The following CDH1 variants were observed in gnomAD, a reference collection of about 807,000 sequenced individuals.
CDH1 encodes the protein cadherin 1, also known as cadherin-1.
CDH1 carries 35 observed loss-of-function variants against 84.5 expected under a neutral mutation model. The observed-to-expected ratio is 0.41, with a 90% confidence interval of 0.32 to 0.55. The LOEUF (loss-of-function observed/expected upper bound fraction) is 0.55, where lower values mean the gene tolerates loss of function less well. Among genes scored for constraint, CDH1 ranks in the 20% least tolerant of loss-of-function variants. The probability of loss-of-function intolerance (pLI) is 0.19; values close to 1 mark genes in which losing one functional copy is unlikely to be tolerated. For missense variants in CDH1, 994 were observed against 1,126.6 expected, an observed-to-expected ratio of 0.88 and a Z score of 1.68; for synonymous variants, 417 against 439.0, an observed-to-expected ratio of 0.95 and a Z score of 0.63.
intron 15 of CDH1, 99 bp downstream of exon 15, chr16:68,829,896 A>G (rs1596973029): frequency 1.6e-6 from 2 of 1,285,680 alleles, no homozygotes; most frequent in Non-Finnish European, 2.2e-6. Context: ...TCTTTCCTTT[A>G]CTATGTTTTC....
intron 14 of CDH1, among the ~76,000 whole-genome samples, chr16:68,829,189 G>C (rs534563904): frequency 6.6e-6 from 1 of 152,306 alleles, no homozygotes; most frequent in South Asian, 2.1e-4. Flanking sequence ...GCTCTAACCT[G>C]TGAATTGTGT....
intron 5 of CDH1, among the ~76,000 whole-genome samples, chr16:68,809,877 A>C (rs1181330926): frequency 6.6e-6 from 1 of 152,160 alleles, no homozygotes. Flanking sequence ...TGCTAGACTA[A>C]AAGGACCAGA....
In CDH1 at chr16:68,823,636, G is replaced by C. The variant is rs753911528; in HGVS notation, c.2164+10G>C. The stretch of plus-strand genomic sequence containing the variant: ...ATTCTTGCTTTGCTAAGTAAGTCCA[G>C]CTGGCAAGTGACTCAGCCTTTGACT... On this transcript the variant is annotated intron_variant, in intron 13 of 15. Transcript: ENST00000261769. The C allele has an allele frequency of 6.4e-7, 1 of 1,570,728 alleles. No individual in the cohort carries two copies. The highest frequency in any genetic ancestry group is 1.7e-5 in the Admixed American group (1 of 59,792).
At chr16:68,784,460 C>T (rs1023840512) in intron 2 of CDH1, among the ~76,000 whole-genome samples, 4 of 152,138 alleles carry the variant, frequency 2.6e-5, no homozygotes, top group African/African-American at 9.7e-5. Context: ...CCTTCCCTCT[C>T]CCATCATGTG....
chr16:68,738,533 C>T, intron 2 of CDH1, 122 bp downstream of exon 2: 1 of 631,356 alleles, frequency 1.6e-6, no homozygotes, highest in South Asian at 2.0e-5. Flanking sequence ...CAAACGACAC[C>T]CCTTGGAATT....
chr16:68,737,924 A>G lies in CDH1; in HGVS notation c.49-373A>G, dbSNP rs537290285. ...AAATAGGAGTGAGGGTCCCGGGGAT[A>G]AGAAAGTGAGGTCGGAGGAGGTGGG... On this transcript the variant is annotated intron_variant, in intron 1 of 15. Coordinates refer to ENST00000261769, the MANE Select transcript of CDH1 (RefSeq NM_004360.5). Among the ~76,000 whole-genome samples, 5 of 152,288 alleles carry G rather than the reference A, an allele frequency of 3.3e-5. No individual in the cohort carries two copies. In the South Asian group the frequency reaches 1.0e-3, roughly 32 times the overall value.
intron 10 of CDH1, 145 bp downstream of exon 10, chr16:68,815,904 CTG>C: frequency 9.8e-7 from 1 of 1,022,184 alleles, no homozygotes; most frequent in Non-Finnish European, 1.4e-6. Context: ...TTCCCTTTAT[CTG>C]TGCTCCTTTC....
intron 2 of CDH1, among the ~76,000 whole-genome samples, chr16:68,750,504 G>A (rs1962860961): frequency 6.6e-6 from 1 of 152,054 alleles, no homozygotes; most frequent in Admixed American, 6.6e-5. Context: ...ACATGAGCAA[G>A]ATCATAAACG....
chr16:68,816,973 A>C (rs191015374), intron 10 of CDH1, among the ~76,000 whole-genome samples: 1 of 152,330 alleles, frequency 6.6e-6, no homozygotes, highest in Non-Finnish European at 1.5e-5. Flanking sequence ...TGCAGTAGTG[A>C]AATAGATAGT....
At position 68,748,433 on chromosome 16, in the gene CDH1, T is replaced by C. The variant is rs143193375; in HGVS notation, c.163+10022T>C. 9.4e-3 allele frequency among the ~76,000 whole-genome samples: 1,432 copies of C among 152,346 alleles called. 16 individuals carry two copies. The highest frequency in any genetic ancestry group is 0.013 in the Non-Finnish European group (864 of 68,030). ...TTTAAAAATGTTTAATTTTAATTTC[T>C]GTGGGTACAAAGTTGGTGTGTATAT... On this transcript the variant is annotated intron_variant, in intron 2 of 15. Coordinates refer to ENST00000261769, the MANE Select transcript of CDH1 (RefSeq NM_004360.5).
At chr16:68,824,704 T>A (rs1414321394) in intron 13 of CDH1, among the ~76,000 whole-genome samples, 2 of 152,198 alleles carry the variant, frequency 1.3e-5, no homozygotes, top group Non-Finnish European at 2.9e-5. Flanking sequence ...TAAACCTGTT[T>A]CCATTGGAGC....
At chr16:68,770,454 G>T (rs1242704441) in intron 2 of CDH1, among the ~76,000 whole-genome samples, 1 of 152,070 alleles carries the variant, frequency 6.6e-6, no homozygotes, top group Non-Finnish European at 1.5e-5. Context: ...CTGCCTTCAG[G>T]TGGGTACCAG....
chr16:68,808,346 C>A (rs2152129463), intron 3 of CDH1, 78 bp from the exon 4 acceptor site: 1 of 1,478,236 alleles, frequency 6.8e-7, no homozygotes, highest in Non-Finnish European at 9.5e-7. Context: ...GGGACGCTGT[C>A]TGGCTAGGTT....
chr16:68,818,295 A>G (rs1961037742), intron 10 of CDH1, among the ~76,000 whole-genome samples: 1 of 151,908 alleles, frequency 6.6e-6, no homozygotes, highest in South Asian at 2.1e-4. Flanking sequence ...GTTATATAAC[A>G]GAATGCCTTT....
chr16:68,745,545 A>ATATATATATATATATATGTGTAT (rs1399448265), intron 2 of CDH1, among the ~76,000 whole-genome samples: 5 of 19,440 alleles, frequency 2.6e-4, no homozygotes, highest in African/African-American at 5.3e-4. Context: ...AAAAAAAAAA[A>ATATATATATATATATATGTGTAT]AAAAATATAT....
intron 2 of CDH1, among the ~76,000 whole-genome samples, chr16:68,739,162 C>T (rs1962491492): frequency 6.6e-6 from 1 of 151,694 alleles, no homozygotes; most frequent in Admixed American, 6.6e-5. Flanking sequence ...CGCCTGTAAT[C>T]CCAGCACTTT....
intron 3 of CDH1, among the ~76,000 whole-genome samples, chr16:68,807,449 C>T (rs1260642415): frequency 1.4e-4 from 21 of 152,034 alleles, no homozygotes; most frequent in Admixed American, 1.0e-3. Context: ...GCAGGAGAAT[C>T]GCTTGAGCCC....
intron 10 of CDH1, 113 bp downstream of exon 10, chr16:68,815,872 C>T: frequency 7.9e-7 from 1 of 1,259,728 alleles, no homozygotes; most frequent in Non-Finnish European, 1.1e-6. Flanking sequence ...TGTACAAGAC[C>T]ATTCTCTTAA....
chr16:68,772,367 T>TAA (rs1959602723), intron 2 of CDH1, among the ~76,000 whole-genome samples: 1 of 152,180 alleles, frequency 6.6e-6, no homozygotes, highest in Non-Finnish European at 1.5e-5. Context: ...ATGGGAGAGA[T>TAA]AGATAAGTCT....
Sources: gnomAD v4.1 joint callset for allele counts (sites outside exome capture counted in the v4.1 genomes callset) on GRCh38, gnomAD v4.1.1 for gene constraint, MANE v1.5 for transcripts, NCBI Gene and HGNC (gene_info 2026-07-23, HGNC 2026-07-21) for gene names.